The following SHC2 variants were observed in gnomAD, a reference collection of about 807,000 sequenced individuals.
SHC2 encodes SHC-transforming protein 2.
In SHC2, 62 loss-of-function variants were observed where a neutral mutation model predicts 60.6. The observed-to-expected ratio is 1.02, with a 90% CI of 0.83 to 1.26. The LOEUF is 1.26. Ranked by LOEUF, SHC2 falls within the 50% of genes most tolerant of loss-of-function variation. The pLI is 0.00. For synonymous variants in SHC2, 375 were observed against 372.4 expected (o/e 1.01, Z -0.08); for missense variants, 873 against 822.2 (o/e 1.06, Z -0.76).
Position 460,991 on chromosome 19 carries a change from C to G in SHC2, c.6G>C (p.Thr2=). Residue 2 remains threonine, a synonymous_variant, in exon 1 of 13, where the codon ACG becomes ACC. Coordinates refer to ENST00000264554, the MANE Select transcript of SHC2 (RefSeq NM_012435.3). ...GGGGCGCGCGCCCGCCCGGACCCTG[C>G]GTCATGGCCGCGGCCGCCCGACGGA... M[T]QGPGGRAPPA... 2 of 969,404 alleles carry G rather than the reference C, an allele frequency of 2.1e-6. No homozygotes were observed. The highest frequency in any genetic ancestry group is 2.5e-6 in the Non-Finnish European group (2 of 815,382). 60.1% of individuals were successfully genotyped at this position (969,404 alleles called of 1,614,324 possible).
rs1974861309 is a variant in SHC2 at position 441,288 on chromosome 19, A to G, written c.469-356T>C. 2.3e-6 allele frequency: 1 copy of G among 430,272 alleles called. No homozygotes were observed. Among genetic ancestry groups the G allele is most frequent in the African/African-American group, 2.2e-5 (1 of 45,498 alleles). 26.7% of individuals were successfully genotyped at this position (430,272 alleles called of 1,614,324 possible). On this transcript the variant is annotated intron_variant, in intron 1 of 12. Transcript: ENST00000264554. This position sits in a 1 kb window ranked among gnomAD's most constrained non-coding sequence, Gnocchi z 4.9. ...GCGTGGGGATGGTGCGATCCTGAGC[A>G]CTTCCCTATCTCCAGCGCCCAGTTC...
chr19:423,660 T>C (rs1001045968), intron 10 of SHC2, among the ~76,000 whole-genome samples: 1 of 151,510 alleles, frequency 6.6e-6, no homozygotes, highest in Non-Finnish European at 1.5e-5. Context: ...CTCCAGCTCC[T>C]GGTCCTGGGG....
At chr19:421,009 C>T (rs1170845186) in intron 11 of SHC2, among the ~76,000 whole-genome samples, 11 of 151,770 alleles carry the variant, frequency 7.2e-5, no homozygotes, top group Admixed American at 3.9e-4. Context: ...GAGATTGCGC[C>T]ACTGCACTCC....
In SHC2 at chr19:436,444, A is replaced by G. The variant is rs374620365; in HGVS notation, c.775-13T>C. The G allele has an allele frequency of 1.2e-6, 2 of 1,602,004 alleles. No individual in the cohort carries two copies. The highest frequency in any genetic ancestry group is 1.7e-6 in the Non-Finnish European group (2 of 1,174,354). On this transcript the variant is annotated splice_polypyrimidine_tract_variant and intron_variant, in intron 5 of 12. Transcript: ENST00000264554. ...AATCCGTCATGTCCTGGGGGCGGGGAGGGGCCAGCTGGACCTGCCTGGGCC... is the reference window on the plus strand; with the variant it reads ...AATCCGTCATGTCCTGGGGGCGGGGGGGGGCCAGCTGGACCTGCCTGGGCC...
In SHC2 at chr19:425,096, C is replaced by T; in HGVS notation, c.1309+1G>A. 12 of 1,395,692 alleles carry T rather than the reference C, an allele frequency of 8.6e-6. No individual in the cohort carries two copies. The highest frequency in any genetic ancestry group is 2.8e-5 in the Admixed American group (1 of 36,216). The allele number at this position is 1,395,692 out of a possible 1,614,324, so 86.5% of individuals were successfully genotyped here. A position where few individuals can be genotyped will look rare whatever the true frequency, so the allele number is the denominator to read the frequency against. ...CGGCCGCCCCCCAGGCTGCCACATACGCATGTCAAACAGATCCTTTTTGGG... is the reference window on the plus strand; with the variant it reads ...CGGCCGCCCCCCAGGCTGCCACATATGCATGTCAAACAGATCCTTTTTGGG... On this transcript the variant is annotated splice_donor_variant, in intron 10 of 12. Coordinates refer to ENST00000264554, the MANE Select transcript of SHC2 (RefSeq NM_012435.3). LOFTEE classifies it high-confidence loss of function. The surrounding 1 kb of genome is among the most constrained non-coding windows in gnomAD (Gnocchi z 4.1).
intron 1 of SHC2, among the ~76,000 whole-genome samples, chr19:442,159 T>C (rs1974887539): frequency 6.6e-6 from 1 of 152,092 alleles, no homozygotes; most frequent in Admixed American, 6.6e-5. Flanking sequence ...GTTGAATGGA[T>C]GCATGATGGG....
rs1050081967 is a variant in SHC2 at position 440,052 on chromosome 19, G to C, written c.539+810C>G. Among the ~76,000 whole-genome samples the C allele has an allele frequency of 6.8e-6, 1 of 147,772 alleles. No homozygotes were observed. The highest frequency in any genetic ancestry group is 2.6e-5 in the African/African-American group (1 of 38,488). On this transcript the variant is annotated intron_variant, in intron 2 of 12. Coordinates refer to ENST00000264554, the MANE Select transcript of SHC2 (RefSeq NM_012435.3). The surrounding 1 kb of genome is among the most constrained non-coding windows in gnomAD (Gnocchi z 7.0). Reference sequence around the variant, plus strand: ...AAAAAAAAAAAAAAAAAGGAGCAAGGCTCTGACCCAGGCCACAGCGCGGAC... The same window carrying C: ...AAAAAAAAAAAAAAAAAGGAGCAAGCCTCTGACCCAGGCCACAGCGCGGAC...
chr19:436,087 C>A lies in SHC2; in HGVS notation c.953+78G>T, dbSNP rs758844523. 38 of 1,506,150 alleles carry A rather than the reference C, an allele frequency of 2.5e-5. 1 individual carries two copies. The highest frequency in any genetic ancestry group is 3.2e-5 in the Non-Finnish European group (35 of 1,102,350). 93.3% of individuals were successfully genotyped at this position (1,506,150 alleles called of 1,614,324 possible). ...AGGGCAGGACGGAGGCTGAGGCCTG[C>A]AGGAGGTGGAGCAGGCTCTGCACCT... is the stretch of plus-strand genomic sequence containing the variant. On this transcript the variant is annotated intron_variant, in intron 7 of 12. Coordinates refer to ENST00000264554, the MANE Select transcript of SHC2 (RefSeq NM_012435.3).
intron 1 of SHC2, among the ~76,000 whole-genome samples, chr19:444,151 A>AATGG (rs894479664): frequency 1.6e-5 from 2 of 122,612 alleles, no homozygotes; most frequent in Non-Finnish European, 3.5e-5. Flanking sequence ...TGGGTGGATG[A>AATGG]ATGGATGGAT....
In SHC2 at chr19:441,655, G is replaced by T. The variant is rs1974873301; in HGVS notation, c.469-723C>A. Among the ~76,000 whole-genome samples, 1 of 152,230 alleles carries T rather than the reference G, an allele frequency of 6.6e-6. No individual in the cohort carries two copies. Among genetic ancestry groups the T allele is most frequent in the African/African-American group, 2.4e-5 (1 of 41,456 alleles). Reference sequence around the variant, plus strand: ...TACAGAGGCAGCAAGAGCATGTGTGGGTGCCAGGAGCCGGGGAATGAAGGC... The same window carrying T: ...TACAGAGGCAGCAAGAGCATGTGTGTGTGCCAGGAGCCGGGGAATGAAGGC... On this transcript the variant is annotated intron_variant, in intron 1 of 12. Coordinates refer to ENST00000264554, the MANE Select transcript of SHC2 (RefSeq NM_012435.3). The surrounding 1 kb of genome is among the most constrained non-coding windows in gnomAD (Gnocchi z 4.9).
intron 11 of SHC2, among the ~76,000 whole-genome samples, chr19:421,381 C>T (rs1974265516): frequency 8.3e-6 from 1 of 120,768 alleles, no homozygotes; most frequent in African/African-American, 3.3e-5. Context: ...GCCGGGGCAA[C>T]AGTGCGAGAC....
chr19:459,660 G>A (rs1975491254), intron 1 of SHC2, among the ~76,000 whole-genome samples: 1 of 152,122 alleles, frequency 6.6e-6, no homozygotes, highest in Non-Finnish European at 1.5e-5. Context: ...TAGAGGGAAG[G>A]ACCCTACTGA....
chr19:455,844 C>A (rs1975329708), intron 1 of SHC2, among the ~76,000 whole-genome samples: 1 of 152,078 alleles, frequency 6.6e-6, no homozygotes, highest in Non-Finnish European at 1.5e-5. Context: ...TGACTCTCAC[C>A]CCCTGCTGCG....
rs991825054 is a variant in SHC2 at position 453,564 on chromosome 19, C to A, written c.468+6965G>T. 5.9e-5 allele frequency among the ~76,000 whole-genome samples: 9 copies of A among 152,174 alleles called. No individual in the cohort carries two copies. The highest frequency in any genetic ancestry group is 2.2e-4 in the African/African-American group (9 of 41,436). The stretch of plus-strand genomic sequence containing the variant: ...TGGATTACAGGCGTGAGCCACCACG[C>A]CCGGCCAGAACCCAGATCTTTAGGG... On this transcript the variant is annotated intron_variant, in intron 1 of 12. Transcript: ENST00000264554. This position sits in a 1 kb window ranked among gnomAD's most constrained non-coding sequence, Gnocchi z 6.3.
chr19:436,472 C>CT, intron 5 of SHC2, 41 bp from the exon 6 acceptor site: 1 of 1,601,654 alleles, frequency 6.2e-7, no homozygotes, highest in Admixed American at 1.7e-5. Context: ...CCTGGGCCCC[C>CT]CACCGGGATT....
At position 440,791 on chromosome 19, in the gene SHC2, C is replaced by T. The variant is rs572354726; in HGVS notation, c.539+71G>A. On this transcript the variant is annotated intron_variant, in intron 2 of 12. Transcript: ENST00000264554. The surrounding 1 kb of genome is among the most constrained non-coding windows in gnomAD (Gnocchi z 7.0). ...CGGCTGTCGGAGAGCCCATCGCTGC[C>T]GCCCTCCAGTGCTGCCGCCCTCCAG... is the stretch of plus-strand genomic sequence containing the variant. The T allele has an allele frequency of 3.7e-5, 50 of 1,352,500 alleles. No individual in the cohort carries two copies. The highest frequency in any genetic ancestry group is 4.7e-5 in the Non-Finnish European group (45 of 954,570). 83.8% of individuals were successfully genotyped at this position (1,352,500 alleles called of 1,614,324 possible).
chr19:419,348 G>A (rs1198814351), intron 11 of SHC2: 4 of 366,752 alleles, frequency 1.1e-5, no homozygotes, highest in Non-Finnish European at 1.5e-5. Context: ...CTGTGAACGT[G>A]ACCTCATTTG....
chr19:451,087 T>A (rs1171847557), intron 1 of SHC2, among the ~76,000 whole-genome samples: 8 of 145,998 alleles, frequency 5.5e-5, no homozygotes, highest in Non-Finnish European at 1.2e-4. Flanking sequence ...CACGTCGTAT[T>A]TTAGCGTGTG....
At position 430,748 on chromosome 19, in the gene SHC2, C is replaced by T; in HGVS notation, c.1111-1G>A. 1 of 1,613,006 alleles carries T rather than the reference C, an allele frequency of 6.2e-7. No individual in the cohort carries two copies. Among genetic ancestry groups the T allele is most frequent in the Non-Finnish European group, 8.5e-7 (1 of 1,179,788 alleles). The stretch of plus-strand genomic sequence containing the variant: ...CATCTCTTAGAGAAGGAGATGGGCC[C>T]TGGAAACAGAGCAGTGAGAGGTTCC... On this transcript the variant is annotated splice_acceptor_variant, in intron 8 of 12. Transcript: ENST00000264554. LOFTEE classifies it high-confidence loss of function.
Sources: gnomAD v4.1 joint callset for allele counts (sites outside exome capture counted in the v4.1 genomes callset) on GRCh38, gnomAD v4.1.1 for gene constraint, Gnocchi (gnomAD v3.1) non-coding constraint, MANE v1.5 for transcripts, NCBI Gene and HGNC (gene_info 2026-07-23, HGNC 2026-07-21) for gene names.